Variants in SLC9A9 observed in about 807,000 individuals in gnomAD.
SLC9A9 encodes solute carrier family 9 member A9.
A neutral mutation model predicts 77.8 loss-of-function variants in SLC9A9; 62 were observed. That is an observed-to-expected ratio of 0.80 (90% CI 0.65 to 0.98). SLC9A9 has a LOEUF of 0.98. Among genes scored for constraint, SLC9A9 ranks in the 50% least tolerant of loss-of-function variants. The pLI is 0.00. For synonymous variants in SLC9A9, 320 were observed against 283.5 expected (o/e 1.13, Z -1.29); for missense variants, 775 against 774.9 (o/e 1.00, Z 0.00).
intron 4 of SLC9A9, among the ~76,000 whole-genome samples, chr3:143,782,714 T>C (rs1274708179): frequency 6.6e-6 from 1 of 152,256 alleles, no homozygotes; most frequent in Non-Finnish European, 1.5e-5. Flanking sequence ...TGAAAGGATA[T>C]GCATTTTACA....
intron 9 of SLC9A9, among the ~76,000 whole-genome samples, chr3:143,511,053 C>A (rs2036107917): frequency 6.6e-6 from 1 of 152,120 alleles, no homozygotes; most frequent in South Asian, 2.1e-4. Flanking sequence ...TCCATTAGCC[C>A]AGAGAATTTG....
At chr3:143,387,690 A>G (rs2033460379) in intron 12 of SLC9A9, among the ~76,000 whole-genome samples, 1 of 152,050 alleles carries the variant, frequency 6.6e-6, no homozygotes, top group Non-Finnish European at 1.5e-5. Flanking sequence ...CTTGTGCACC[A>G]TAATGCACCC....
intron 4 of SLC9A9, among the ~76,000 whole-genome samples, chr3:143,700,197 A>T (rs1346459812): frequency 3.3e-5 from 5 of 152,130 alleles, no homozygotes; most frequent in African/African-American, 4.8e-5. Flanking sequence ...CCCATGTAGC[A>T]TGTCATGGGC....
intron 2 of SLC9A9, among the ~76,000 whole-genome samples, chr3:143,809,016 T>TC (rs1293651575): frequency 1.3e-5 from 2 of 152,232 alleles, no homozygotes; most frequent in Non-Finnish European, 2.9e-5. Flanking sequence ...TTAAGTTTGT[T>TC]CCCTTTCTAA....
chr3:143,573,604 T>A (rs1459132944), intron 8 of SLC9A9, among the ~76,000 whole-genome samples: 1 of 152,112 alleles, frequency 6.6e-6, no homozygotes, highest in African/African-American at 2.4e-5. Flanking sequence ...GCCACCACAT[T>A]TGCTGTTTGT....
intron 9 of SLC9A9, among the ~76,000 whole-genome samples, chr3:143,532,001 C>A (rs1269445966): frequency 1.3e-5 from 2 of 152,182 alleles, no homozygotes; most frequent in Non-Finnish European, 1.5e-5. Context: ...AGAAGCAAAT[C>A]TGATAATCCA....
intron 4 of SLC9A9, among the ~76,000 whole-genome samples, chr3:143,765,039 C>A (rs1034160888): frequency 5.4e-5 from 8 of 147,714 alleles, no homozygotes; most frequent in African/African-American, 2.0e-4. Context: ...CTCTCTTTCT[C>A]TTTCTTTTTC....
chr3:143,795,026 T>C lies in SLC9A9; in HGVS notation c.508A>G (p.Thr170Ala). The C allele has an allele frequency of 6.2e-7, 1 of 1,613,864 alleles. No homozygotes were observed. Among genetic ancestry groups the C allele is most frequent in the African/African-American group, 1.3e-5 (1 of 74,988 alleles). Residue 170 changes from threonine to alanine, a missense_variant, in exon 4 of 16, where the codon ACT becomes GCT. By Grantham distance (58) the Thr-to-Ala change is moderately conservative (BLOSUM62 0). Coordinates refer to ENST00000316549, the MANE Select transcript of SLC9A9 (RefSeq NM_173653.4). The stretch of plus-strand genomic sequence containing the variant: ...CCTATGACGATGCAGGAGATGGCAG[T>C]TCCCAAGAAGGCATACGTTAAAATA... ...GSILTYAFLG[T>A]AISCIVIGLI...
intron 11 of SLC9A9, among the ~76,000 whole-genome samples, chr3:143,484,239 C>T (rs971301765): frequency 2.6e-5 from 4 of 152,092 alleles, no homozygotes; most frequent in African/African-American, 9.7e-5. Context: ...ATCAAATATT[C>T]TTTAAGGGGA....
chr3:143,769,682 T>C lies in SLC9A9; in HGVS notation c.533+25319A>G, dbSNP rs141621537. Among the ~76,000 whole-genome samples the C allele has an allele frequency of 1.1e-3, 175 of 152,300 alleles. 1 individual carries two copies. The East Asian group carries it at 0.012, about 10-fold the overall frequency. On this transcript the variant is annotated intron_variant, in intron 4 of 15. Coordinates refer to ENST00000316549, the MANE Select transcript of SLC9A9 (RefSeq NM_173653.4). ...AAAAATACAAGAATATAGCAGCAAG[T>C]TATGCCCAATACTGACCTGAAACAT...
At chr3:143,632,183 G>T (rs1232754821) in intron 6 of SLC9A9, among the ~76,000 whole-genome samples, 1 of 152,182 alleles carries the variant, frequency 6.6e-6, no homozygotes, top group Non-Finnish European at 1.5e-5. Context: ...GCAAGTTCTT[G>T]AGAGTGTTTG....
chr3:143,694,537 T>A (rs1298849203), intron 4 of SLC9A9, among the ~76,000 whole-genome samples: 1 of 152,192 alleles, frequency 6.6e-6, no homozygotes, highest in Non-Finnish European at 1.5e-5. Flanking sequence ...TTACCATTTC[T>A]ACTTCTACAC....
At chr3:143,726,358 G>C (rs978594931) in intron 4 of SLC9A9, among the ~76,000 whole-genome samples, 1 of 151,978 alleles carries the variant, frequency 6.6e-6, no homozygotes, top group Non-Finnish European at 1.5e-5. Flanking sequence ...TAATGGGAAG[G>C]CTCTATATTT....
At chr3:143,344,836 C>T (rs2032212639) in intron 14 of SLC9A9, among the ~76,000 whole-genome samples, 1 of 147,296 alleles carries the variant, frequency 6.8e-6, no homozygotes, top group Non-Finnish European at 1.5e-5. Flanking sequence ...ATTTATAATT[C>T]TTTCTTGTTT....
chr3:143,415,196 A>G (rs1038649506), intron 12 of SLC9A9, among the ~76,000 whole-genome samples: 1 of 152,256 alleles, frequency 6.6e-6, no homozygotes, highest in African/African-American at 2.4e-5. Context: ...AGCTATCTCC[A>G]TAGCATAAAA....
chr3:143,690,798 TG>T (rs1254039186), intron 5 of SLC9A9, among the ~76,000 whole-genome samples: 5 of 152,166 alleles, frequency 3.3e-5, no homozygotes, highest in African/African-American at 1.2e-4. Context: ...ATGGATTATT[TG>T]CCCTGCTTTT....
At chr3:143,389,708 T>A (rs1039971774) in intron 12 of SLC9A9, among the ~76,000 whole-genome samples, 8 of 152,096 alleles carry the variant, frequency 5.3e-5, no homozygotes, top group African/African-American at 1.9e-4. Context: ...TTGTCTGAAG[T>A]GGAGATTCTG....
chr3:143,702,355 A>C (rs1933827376), intron 4 of SLC9A9, among the ~76,000 whole-genome samples: 1 of 152,122 alleles, frequency 6.6e-6, no homozygotes, highest in Non-Finnish European at 1.5e-5. Flanking sequence ...AATAACTACA[A>C]CTTCTCAAGA....
In SLC9A9 at chr3:143,308,347, C is replaced by T. The variant is rs554424058; in HGVS notation, c.1605-39367G>A. Among the ~76,000 whole-genome samples, 442 of 152,142 alleles carry T rather than the reference C, an allele frequency of 2.9e-3. 3 individuals are homozygous for T. Among genetic ancestry groups the T allele is most frequent in the African/African-American group, 0.01 (416 of 41,512 alleles). ...ATCCTAGCACTTTGGGAGGCCGAGG[C>T]GGGCGGATCACGAGGCCAGGAGATC... On this transcript the variant is annotated intron_variant, in intron 14 of 15. Coordinates refer to ENST00000316549, the MANE Select transcript of SLC9A9 (RefSeq NM_173653.4).
Sources: gnomAD v4.1 joint callset for allele counts (sites outside exome capture counted in the v4.1 genomes callset) on GRCh38, gnomAD v4.1.1 for gene constraint, MANE v1.5 for transcripts, NCBI Gene and HGNC (gene_info 2026-07-23, HGNC 2026-07-21) for gene names.